ZNF366: variants seen among roughly 807,000 people sequenced by gnomAD.
ZNF366 encodes dendritic cell-specific transcript protein.
In ZNF366, 20 loss-of-function variants were observed where a neutral mutation model predicts 47.2. The ratio of observed to expected loss-of-function variants is 0.42; its 90% CI spans 0.30 to 0.62. ZNF366 has a LOEUF of 0.62. Ranked by LOEUF, ZNF366 falls within the 20% of genes least tolerant of loss-of-function variation. The probability of loss-of-function intolerance (pLI) is 0.16; values close to 1 mark genes in which losing one functional copy is unlikely to be tolerated. For missense variants in ZNF366, 987 were observed against 976.3 expected (o/e 1.01, Z -0.15); for synonymous variants, 421 against 395.1 (o/e 1.07, Z -0.78).
chr5:72,446,701 C>A lies in ZNF366; in HGVS notation c.1699+542G>T, dbSNP rs1418049098. Among the ~76,000 whole-genome samples the A allele has an allele frequency of 2.0e-5, 3 of 152,180 alleles. No homozygotes were observed. The East Asian group carries it at 5.8e-4, about 29-fold the overall frequency. On this transcript the variant is annotated intron_variant, in intron 4 of 4. Coordinates refer to ENST00000318442, the MANE Select transcript of ZNF366 (RefSeq NM_152625.3). ...CTGATTGTGAACAAGTAGGAAAGAC[C>A]TAGCCTGCTACCAACATACTTCTGC...
chr5:72,444,352 G>C, intron 4 of ZNF366, 61 bp from the exon 5 acceptor site: 1 of 1,539,336 alleles, frequency 6.5e-7, no homozygotes, highest in South Asian at 1.3e-5. Flanking sequence ...GGGACCTTGA[G>C]GAAGGGGAGC....
At chr5:72,504,558 C>G (rs1426763350) in intron 1 of ZNF366, among the ~76,000 whole-genome samples, 2 of 152,206 alleles carry the variant, frequency 1.3e-5, no homozygotes, top group Non-Finnish European at 2.9e-5. Flanking sequence ...AAACTCTACA[C>G]TCTTTTATTT....
intron 1 of ZNF366, among the ~76,000 whole-genome samples, chr5:72,483,863 C>A (rs746224429): frequency 6.6e-6 from 1 of 151,842 alleles, no homozygotes; most frequent in Non-Finnish European, 1.5e-5. Flanking sequence ...TTCATCTGTA[C>A]CATGAGGGAT....
At chr5:72,483,528 T>A (rs1374395246) in intron 1 of ZNF366, among the ~76,000 whole-genome samples, 1 of 152,156 alleles carries the variant, frequency 6.6e-6, no homozygotes, top group East Asian at 1.9e-4. Context: ...AGAAGTAACA[T>A]TCTTTGTGCC....
At chr5:72,447,885 G>A (rs964871985) in intron 3 of ZNF366, among the ~76,000 whole-genome samples, 5 of 151,964 alleles carry the variant, frequency 3.3e-5, no homozygotes, top group East Asian at 1.9e-4. Context: ...TTTTACAGAC[G>A]CACAATCTGA....
intron 1 of ZNF366, among the ~76,000 whole-genome samples, chr5:72,498,094 C>T (rs185962032): frequency 2.0e-5 from 3 of 151,792 alleles, no homozygotes; most frequent in South Asian, 2.1e-4. Flanking sequence ...AAGGCCTCTG[C>T]GTAAAACTAG....
At chr5:72,470,093 G>C (rs1743529588) in intron 1 of ZNF366, among the ~76,000 whole-genome samples, 1 of 152,164 alleles carries the variant, frequency 6.6e-6, no homozygotes, top group Admixed American at 6.5e-5. Flanking sequence ...CAGTGGACAA[G>C]ATCATTCTGG....
Position 72,441,244 on chromosome 5 carries a change from A to G in ZNF366, c.*2512T>C, listed in dbSNP as rs920854571. 4.6e-5 allele frequency: 7 copies of G among 152,214 alleles called. No individual in the cohort carries two copies. Among genetic ancestry groups the G allele is most frequent in the African/African-American group, 1.7e-4 (7 of 41,442 alleles). 9.4% of individuals were successfully genotyped at this position (152,214 alleles called of 1,614,324 possible). A position where few individuals can be genotyped will look rare whatever the true frequency, so the allele number is the denominator to read the frequency against. ...TTCCTGGTTTCCATTCCAGCCAGGC[A>G]TACTCAGAACCAAACGGCATTCTAC... On this transcript the variant is annotated 3_prime_UTR_variant, in exon 5 of 5. Transcript: ENST00000318442.
intron 2 of ZNF366, among the ~76,000 whole-genome samples, chr5:72,457,287 A>G (rs1743211604): frequency 6.6e-6 from 1 of 152,178 alleles, no homozygotes; most frequent in Non-Finnish European, 1.5e-5. Flanking sequence ...CTGTGCATGA[A>G]GGTGTGTTTG....
intron 1 of ZNF366, among the ~76,000 whole-genome samples, chr5:72,467,149 A>G (rs116584972): frequency 6.6e-6 from 1 of 152,128 alleles, no homozygotes; most frequent in East Asian, 1.9e-4. Context: ...ATAATCATAC[A>G]TTTTCATTGT....
In ZNF366 at chr5:72,460,750, C is replaced by G; in HGVS notation, c.747G>C (p.Ser249=). The change falls in exon 2 of 5, where the codon TCG becomes TCC. Residue 249 remains serine (S), a synonymous_variant. Transcript: ENST00000318442. ...AGGTGGGGCACTGCCAGCGCTTCTG[C>G]GAGCCGCCCACGTCCACGTAGTAGC... ...DDSYYVDVGG[S]QKRWQCPTCE... The G allele has an allele frequency of 6.2e-7, 1 of 1,614,192 alleles. No homozygotes were observed. The highest frequency in any genetic ancestry group is 8.5e-7 in the Non-Finnish European group (1 of 1,180,036).
rs147830935 is a variant in ZNF366, at chr5:72,460,963, G to A, written c.534C>T (p.Pro178=). 1.3e-4 allele frequency: 204 copies of A among 1,612,866 alleles called. No homozygotes were observed. The highest frequency in any genetic ancestry group is 2.6e-4 in the South Asian group (24 of 91,054). Residue 178 remains proline, a synonymous_variant, in exon 2 of 5, where the codon CCC becomes CCT. Transcript: ENST00000318442. ...GGAACATGAGGCCCGGGTGGACTTT[G>A]GGGTAGTAGGGGTAGGGCGTGGGCA... is the stretch of plus-strand genomic sequence containing the variant. The part of the protein sequence containing the change: ...PFLPTPYPYY[P]KVHPGLMFPF...
intron 1 of ZNF366, among the ~76,000 whole-genome samples, chr5:72,461,961 A>T (rs769108269): frequency 1.3e-5 from 2 of 152,212 alleles, no homozygotes. Context: ...TTTCAATCTG[A>T]GTTGTAATTA....
Position 72,441,312 on chromosome 5 carries a change from A to T in ZNF366, c.*2444T>A, listed in dbSNP as rs1742850932. On this transcript the variant is annotated 3_prime_UTR_variant, in exon 5 of 5. Coordinates refer to ENST00000318442, the MANE Select transcript of ZNF366 (RefSeq NM_152625.3). ...ACAGCACATAGTAGGTCCTCAACAC[A>T]TGGCCGCAGTGTGAATAAATGTGTA... is the stretch of plus-strand genomic sequence containing the variant. 6.6e-6 allele frequency: 1 copy of T among 152,194 alleles called. No homozygotes were observed. The highest frequency in any genetic ancestry group is 1.5e-5 in the Non-Finnish European group (1 of 68,044). The allele number at this position is 152,194 out of a possible 1,614,324, so 9.4% of individuals were successfully genotyped here.
In ZNF366 at chr5:72,456,616, GA is replaced by G. The variant is rs960472851; in HGVS notation, c.1333-22del. ...ACACCCTGCAGGGAGGCAAGATTCA[GA>G]AAAGTGGTGATTGACAGGTAACATG... is the stretch of plus-strand genomic sequence containing the variant. On this transcript the variant is annotated intron_variant, in intron 2 of 4. Transcript: ENST00000318442. 7 of 1,557,000 alleles carry G rather than the reference GA, an allele frequency of 4.5e-6. No homozygotes were observed. The Admixed American group carries it at 1.2e-4, about 27-fold the overall frequency.
chr5:72,462,331 T>A (rs1743331873), intron 1 of ZNF366, among the ~76,000 whole-genome samples: 1 of 152,144 alleles, frequency 6.6e-6, no homozygotes, highest in Admixed American at 6.5e-5. Flanking sequence ...CACATGGGTC[T>A]CTCCTTTCAG....
intron 1 of ZNF366, 129 bp downstream of exon 1, chr5:72,507,122 G>T: frequency 3.2e-6 from 2 of 634,794 alleles, no homozygotes; most frequent in African/African-American, 4.0e-5. Context: ...GAAATTCTGG[G>T]CCATCTATCA....
intron 1 of ZNF366, among the ~76,000 whole-genome samples, chr5:72,482,290 G>C (rs1403466173): frequency 2.0e-5 from 3 of 152,224 alleles, no homozygotes; most frequent in Non-Finnish European, 4.4e-5. Flanking sequence ...ATGAAGTTGA[G>C]AGAGTCAGAT....
At chr5:72,486,604 T>A (rs1466556986) in intron 1 of ZNF366, among the ~76,000 whole-genome samples, 1 of 152,068 alleles carries the variant, frequency 6.6e-6, no homozygotes, top group Admixed American at 6.6e-5. Context: ...ACATAGTGCA[T>A]CCCATGTGTA....
Sources: allele counts gnomAD v4.1 joint callset (sites outside exome capture counted in the v4.1 genomes callset), GRCh38; gene constraint gnomAD v4.1.1; transcripts MANE v1.5; gene names NCBI Gene and HGNC (gene_info 2026-07-23, HGNC 2026-07-21).